FSHR: variants seen among roughly 807,000 people sequenced by gnomAD.
FSHR encodes follicle-stimulating hormone receptor.
Under a neutral mutation model 52.1 loss-of-function variants are expected in FSHR, and 46 were observed. That is an observed-to-expected ratio of 0.88 (90% CI 0.70 to 1.13). The LOEUF (loss-of-function observed/expected upper bound fraction) is 1.13, where lower values mean the gene tolerates loss of function less well. FSHR is among the 50% of genes most tolerant of loss of function. FSHR has a pLI of 0.00. For missense variants in FSHR, 964 were observed against 834.6 expected (o/e 1.16, Z -1.91); for synonymous variants, 399 against 309.6 (o/e 1.29, Z -3.03).
intron 1 of FSHR, among the ~76,000 whole-genome samples, chr2:49,068,642 C>A (rs935865710): frequency 1.3e-5 from 2 of 152,056 alleles, no homozygotes; most frequent in African/African-American, 4.8e-5. Context: ...ACTCCAACCC[C>A]CATTACCTCT....
Position 48,982,312 on chromosome 2 carries a change from A to G in FSHR, c.668+600T>C, listed in dbSNP as rs113741040. 4.3e-3 allele frequency among the ~76,000 whole-genome samples: 655 copies of G among 152,262 alleles called. 5 individuals carry two copies. The highest frequency in any genetic ancestry group is 0.013 in the African/African-American group (551 of 41,552). ...GGAAAGATGGAAGTAAGGAAATGAC[A>G]AGAGGGAGGGGTGCTGATGCAGGGC... On this transcript the variant is annotated intron_variant, in intron 8 of 9. Coordinates refer to ENST00000406846, the MANE Select transcript of FSHR (RefSeq NM_000145.4).
At chr2:49,047,524 G>C (rs1668705475) in intron 2 of FSHR, among the ~76,000 whole-genome samples, 1 of 152,210 alleles carries the variant, frequency 6.6e-6, no homozygotes, top group Non-Finnish European at 1.5e-5. Context: ...AAACAAGCAA[G>C]TCAGCCAGGA....
Position 48,963,919 on chromosome 2 carries a change from ACTT to A in FSHR, c.899_901del (p.Glu300del). The A allele has an allele frequency of 6.2e-7, 1 of 1,613,884 alleles. No homozygotes were observed. The highest frequency in any genetic ancestry group is 1.1e-5 in the South Asian group (1 of 91,054). On this transcript the variant is annotated inframe_deletion, in exon 10 of 10. Coordinates refer to ENST00000406846, the MANE Select transcript of FSHR (RefSeq NM_000145.4). ...ACCCCTAGCCTGAGTCATATAATCA[ACTT>A]CTTGCCTTAAAATAGATTTGTTGCA...
At chr2:49,011,493 A>AT (rs1667271481) in intron 4 of FSHR, among the ~76,000 whole-genome samples, 1 of 152,118 alleles carries the variant, frequency 6.6e-6, no homozygotes, top group Non-Finnish European at 1.5e-5. Flanking sequence ...TGCTGAAAAA[A>AT]ATATATATTC....
intron 1 of FSHR, among the ~76,000 whole-genome samples, chr2:49,081,462 A>G (rs944832431): frequency 3.3e-5 from 5 of 152,302 alleles, no homozygotes; most frequent in Admixed American, 6.5e-5. Context: ...GAAATATTTC[A>G]TAATTAATTT....
chr2:48,986,064 G>C (rs1675501194), intron 6 of FSHR, among the ~76,000 whole-genome samples: 1 of 152,168 alleles, frequency 6.6e-6, no homozygotes, highest in Non-Finnish European at 1.5e-5. Flanking sequence ...GGGTTTGGTG[G>C]ACAAATAATT....
chr2:49,098,213 G>C (rs755216372), intron 1 of FSHR, among the ~76,000 whole-genome samples: 42 of 152,002 alleles, frequency 2.8e-4, no homozygotes, highest in African/African-American at 9.2e-4. Flanking sequence ...TGCTAAATCT[G>C]GCAAGTACTA....
intron 1 of FSHR, among the ~76,000 whole-genome samples, chr2:49,073,951 T>C (rs1455243068): frequency 6.6e-6 from 1 of 152,066 alleles, no homozygotes; most frequent in Non-Finnish European, 1.5e-5. Flanking sequence ...GGACAGTCTC[T>C]TCAATAAATT....
intron 1 of FSHR, among the ~76,000 whole-genome samples, chr2:49,103,373 ACAGT>A (rs1251321990): frequency 2.0e-5 from 3 of 152,282 alleles, no homozygotes; most frequent in South Asian, 2.1e-4. Context: ...CTCTCACAAC[ACAGT>A]CAGTCATAAG....
chr2:49,131,149 G>T (rs1272079524), intron 1 of FSHR, among the ~76,000 whole-genome samples: 1 of 151,928 alleles, frequency 6.6e-6, no homozygotes, highest in Non-Finnish European at 1.5e-5. Flanking sequence ...GGGGAGATAG[G>T]TTATTTAAAA....
intron 3 of FSHR, among the ~76,000 whole-genome samples, chr2:49,019,577 T>C (rs1667617471): frequency 2.0e-5 from 3 of 152,226 alleles, no homozygotes. Context: ...CTAGATTTAA[T>C]TGACATTTAT....
intron 2 of FSHR, among the ~76,000 whole-genome samples, chr2:49,052,989 C>G (rs907026411): frequency 6.6e-6 from 1 of 152,198 alleles, no homozygotes; most frequent in Non-Finnish European, 1.5e-5. Context: ...TGCAACAATT[C>G]TCATTCAATA....
chr2:49,010,820 G>C (rs1430329003), intron 4 of FSHR, among the ~76,000 whole-genome samples: 1 of 152,188 alleles, frequency 6.6e-6, no homozygotes, highest in East Asian at 1.9e-4. Context: ...TTGCGTAGAG[G>C]TGTTTGTAGT....
intron 1 of FSHR, among the ~76,000 whole-genome samples, chr2:49,074,015 T>A (rs943074261): frequency 2.0e-5 from 3 of 152,136 alleles, no homozygotes; most frequent in Admixed American, 6.5e-5. Context: ...TACTTCCACC[T>A]CTCATTCTAT....
intron 1 of FSHR, among the ~76,000 whole-genome samples, chr2:49,125,443 G>A (rs13415495): frequency 1.3e-5 from 2 of 152,156 alleles, no homozygotes; most frequent in Admixed American, 1.3e-4. Flanking sequence ...ACTTGATCTA[G>A]CATATTATAT....
rs1195188713 is a variant in FSHR at position 48,963,687 on chromosome 2, A to G, written c.1134T>C (p.Thr378=). 2 of 1,614,050 alleles carry G rather than the reference A, an allele frequency of 1.2e-6. No homozygotes were observed. The highest frequency in any genetic ancestry group is 2.7e-5 in the African/African-American group (2 of 74,938). Residue 378 remains threonine, a synonymous_variant, in exon 10 of 10, where the codon ACT becomes ACC. Transcript: ENST00000406846. ...GGATCACTAGCACTATGATGTTCCCAGTGATGGCCAGGATGCTGATAAACC... is the reference window on the plus strand; with the variant it reads ...GGATCACTAGCACTATGATGTTCCCGGTGATGGCCAGGATGCTGATAAACC... ...LIWFISILAI[T]GNIIVLVILT... is the part of the protein sequence containing the mutation.
At chr2:49,013,202 G>A (rs886784030) in intron 4 of FSHR, among the ~76,000 whole-genome samples, 1 of 151,334 alleles carries the variant, frequency 6.6e-6, no homozygotes, top group Admixed American at 6.6e-5. Flanking sequence ...TGCAAGCCAG[G>A]AACCAAATTG....
chr2:49,008,416 C>T (rs1261397523), intron 4 of FSHR, among the ~76,000 whole-genome samples: 1 of 150,618 alleles, frequency 6.6e-6, no homozygotes, highest in East Asian at 2.0e-4. Flanking sequence ...TTTCTTAATC[C>T]AGTCTATCAT....
Position 49,068,308 on chromosome 2 carries a change from AT to A in FSHR, c.153-19del, listed in dbSNP as rs774361532. ...CAAACCTCCTGCAAAGAGAGTAGAA[AT>A]AAAATATCACAACCTATCCATTAAT... On this transcript the variant is annotated intron_variant, in intron 1 of 9. Transcript: ENST00000406846. The A allele has an allele frequency of 1.9e-5, 30 of 1,595,986 alleles. No individual in the cohort carries two copies. The highest frequency in any genetic ancestry group is 6.7e-5 in the Admixed American group (4 of 59,760).
Sources: gnomAD v4.1 joint callset for allele counts (sites outside exome capture counted in the v4.1 genomes callset) on GRCh38, gnomAD v4.1.1 for gene constraint, MANE v1.5 for transcripts, NCBI Gene and HGNC (gene_info 2026-07-23, HGNC 2026-07-21) for gene names.